Variants in DGUOK observed in about 807,000 individuals in gnomAD.
DGUOK encodes the protein deoxyguanosine kinase, mitochondrial.
A neutral mutation model predicts 36.6 loss-of-function variants in DGUOK; 30 were observed. The ratio of observed to expected loss-of-function variants is 0.82; its 90% confidence interval spans 0.61 to 1.11. The LOEUF (loss-of-function observed/expected upper bound fraction) is 1.11, where lower values mean the gene tolerates loss of function less well. Among genes scored for constraint, DGUOK ranks in the 50% most tolerant of loss-of-function variants. DGUOK has a pLI of 0.00. For missense variants in DGUOK, 361 were observed against 336.4 expected, an observed-to-expected ratio of 1.07 and a Z score of -0.57; for synonymous variants, 145 against 126.3, an observed-to-expected ratio of 1.15 and a Z score of -0.99.
intron 4 of DGUOK, among the ~76,000 whole-genome samples, chr2:73,953,269 A>ATGG (rs1682825362): frequency 2.4e-5 from 2 of 83,522 alleles, no homozygotes; most frequent in South Asian, 8.1e-4. Context: ...GGTGATGATG[A>ATGG]TGATGATGAT....
At chr2:73,937,119 ATCT>A (rs1405304099) in intron 1 of DGUOK, among the ~76,000 whole-genome samples, 1 of 152,234 alleles carries the variant, frequency 6.6e-6, no homozygotes, top group Non-Finnish European at 1.5e-5. Context: ...CAGGGATCAG[ATCT>A]TCTTGTGTCT....
At chr2:73,946,053 T>C (rs1378595362) in intron 2 of DGUOK, among the ~76,000 whole-genome samples, 1 of 40,976 alleles carries the variant, frequency 2.4e-5, no homozygotes, top group Non-Finnish European at 5.0e-5. Flanking sequence ...AGACTCTGTC[T>C]CAAAAAAAAA....
chr2:73,936,682 T>C lies in DGUOK; in HGVS notation c.143-2228T>C, dbSNP rs75885121. Among the ~76,000 whole-genome samples, 518 of 152,316 alleles carry C rather than the reference T, an allele frequency of 3.4e-3. 3 individuals are homozygous for C. Among genetic ancestry groups the C allele is most frequent in the African/African-American group, 0.012 (498 of 41,562 alleles). On this transcript the variant is annotated intron_variant, in intron 1 of 6. Transcript: ENST00000264093. The stretch of plus-strand genomic sequence containing the variant: ...TCCAGATACAGTCTTAAGATTTATT[T>C]TTTATTTTTCACAAATGTAGGTTTC...
intron 2 of DGUOK, among the ~76,000 whole-genome samples, chr2:73,944,008 AC>A (rs1294170107): frequency 6.6e-6 from 1 of 151,966 alleles, no homozygotes; most frequent in East Asian, 1.9e-4. Context: ...TCACTCTGTC[AC>A]CCAGGCTGGA....
intron 1 of DGUOK, among the ~76,000 whole-genome samples, chr2:73,934,409 A>G (rs1483883816): frequency 1.3e-5 from 2 of 152,164 alleles, no homozygotes; most frequent in Non-Finnish European, 2.9e-5. Context: ...GGAAGGTTTG[A>G]TGCTGCTTGT....
chr2:73,953,290 A>ATCGTCGTCGTCG (rs70965773), intron 4 of DGUOK, among the ~76,000 whole-genome samples: 2 of 140,710 alleles, frequency 1.4e-5, no homozygotes, highest in African/African-American at 2.6e-5. Flanking sequence ...CATCATCATC[A>ATCGTCGTCGTCG]TCGTCGTCGT....
intron 1 of DGUOK, among the ~76,000 whole-genome samples, chr2:73,928,670 G>A (rs2104853280): frequency 1.3e-5 from 2 of 152,310 alleles, no homozygotes; most frequent in African/African-American, 4.8e-5. Context: ...CCAAGGGGTG[G>A]CCAGATTTTA....
Position 73,926,916 on chromosome 2 carries a change from C to T in DGUOK, c.6C>T (p.Ala2=), listed in dbSNP as rs1680626720. Residue 2 remains alanine (A), a synonymous_variant, in exon 1 of 7, where the codon GCC becomes GCT. Coordinates refer to ENST00000264093, the MANE Select transcript of DGUOK (RefSeq NM_080916.3). The part of the protein sequence containing the change: M[A]AGRLFLSRLR... ...CTGTGTGAATCGTGGGTGGGATGGCCGCGGGCCGCCTCTTTCTAAGTCGGC... is the reference window on the plus strand; with the variant it reads ...CTGTGTGAATCGTGGGTGGGATGGCTGCGGGCCGCCTCTTTCTAAGTCGGC... 6 of 1,613,496 alleles carry T rather than the reference C, an allele frequency of 3.7e-6. No homozygotes were observed. The highest frequency in any genetic ancestry group is 2.2e-5 in the East Asian group (1 of 44,888).
At chr2:73,929,297 A>G (rs970710641) in intron 1 of DGUOK, among the ~76,000 whole-genome samples, 1 of 152,166 alleles carries the variant, frequency 6.6e-6, no homozygotes, top group Non-Finnish European at 1.5e-5. Context: ...TTTTGTAGAG[A>G]CAGGGTCTCA....
intron 1 of DGUOK, among the ~76,000 whole-genome samples, chr2:73,929,364 C>T (rs1490677873): frequency 6.6e-6 from 1 of 152,232 alleles, no homozygotes; most frequent in Non-Finnish European, 1.5e-5. Context: ...CCTGCCTTGG[C>T]TTCCCAAAGT....
chr2:73,934,440 A>G lies in DGUOK; in HGVS notation c.143-4470A>G, dbSNP rs1456464593. Among the ~76,000 whole-genome samples the G allele has an allele frequency of 3.3e-5, 5 of 152,292 alleles. No individual in the cohort carries two copies. The East Asian group carries it at 9.6e-4, about 29-fold the overall frequency. On this transcript the variant is annotated intron_variant, in intron 1 of 6. Coordinates refer to ENST00000264093, the MANE Select transcript of DGUOK (RefSeq NM_080916.3). ...CTTGTAAGTTCTGATACCTTCCAAA[A>G]TTCATAATACTGAGAGTATATTGAA...
Position 73,926,944 on chromosome 2 carries a change from C to A in DGUOK, c.34C>A (p.Arg12=). The A allele has an allele frequency of 6.2e-7, 1 of 1,613,450 alleles. No homozygotes were observed. The change falls in exon 1 of 7, where the codon CGA becomes AGA. Residue 12 remains arginine, a synonymous_variant. Coordinates refer to ENST00000264093, the MANE Select transcript of DGUOK (RefSeq NM_080916.3). Reference sequence around the variant, plus strand: ...GGGCCGCCTCTTTCTAAGTCGGCTTCGAGCACCCTTCAGTTCCATGGCCAA... The same window carrying A: ...GGGCCGCCTCTTTCTAAGTCGGCTTAGAGCACCCTTCAGTTCCATGGCCAA... ...AAGRLFLSRL[R]APFSSMAKSP...
intron 2 of DGUOK, among the ~76,000 whole-genome samples, chr2:73,941,092 T>C (rs1489634494): frequency 1.3e-5 from 2 of 152,232 alleles, no homozygotes; most frequent in Non-Finnish European, 2.9e-5. Flanking sequence ...TAAGAGACAC[T>C]GTAGCTTCCA....
At chr2:73,937,893 C>G (rs2104901774) in intron 1 of DGUOK, among the ~76,000 whole-genome samples, 1 of 152,352 alleles carries the variant, frequency 6.6e-6, no homozygotes, top group South Asian at 2.1e-4. Flanking sequence ...TATCTTTTAA[C>G]TAGTCTGCCT....
At chr2:73,946,193 T>C (rs1201245285) in intron 2 of DGUOK, among the ~76,000 whole-genome samples, 2 of 152,248 alleles carry the variant, frequency 1.3e-5, no homozygotes, top group Non-Finnish European at 2.9e-5. Flanking sequence ...ACAAACAAAT[T>C]GTACTCCTTA....
chr2:73,947,189 G>A, intron 3 of DGUOK: 1 of 442,250 alleles, frequency 2.3e-6, no homozygotes, highest in East Asian at 4.8e-5. Flanking sequence ...GGAGCAAGCT[G>A]GTAGCCACCT....
At chr2:73,930,621 C>T (rs1378585182) in intron 1 of DGUOK, among the ~76,000 whole-genome samples, 2 of 152,096 alleles carry the variant, frequency 1.3e-5, no homozygotes, top group African/African-American at 4.8e-5. Flanking sequence ...TGTCAAATTT[C>T]TCTGCTTCTT....
intron 2 of DGUOK, among the ~76,000 whole-genome samples, chr2:73,940,572 G>C (rs1328238218): frequency 6.6e-6 from 1 of 152,186 alleles, no homozygotes; most frequent in Non-Finnish European, 1.5e-5. Flanking sequence ...CTTTTTCTGA[G>C]TATGCCACAG....
Position 73,958,780 on chromosome 2 carries a change from T to G in DGUOK, c.*44T>G. On this transcript the variant is annotated 3_prime_UTR_variant, in exon 7 of 7. Coordinates refer to ENST00000264093, the MANE Select transcript of DGUOK (RefSeq NM_080916.3). ...GGCTGTGATCTGGGCTCCCTGACTT[T>G]CTGAAGCTAGAAAAATGTTGTGTCT... is the stretch of plus-strand genomic sequence containing the variant. 1 of 1,567,646 alleles carries G rather than the reference T, an allele frequency of 6.4e-7. No individual in the cohort carries two copies. Among genetic ancestry groups the G allele is most frequent in the East Asian group, 2.2e-5 (1 of 44,686 alleles).
Sources: gnomAD v4.1 joint callset for allele counts (sites outside exome capture counted in the v4.1 genomes callset) on GRCh38, gnomAD v4.1.1 for gene constraint, MANE v1.5 for transcripts, NCBI Gene and HGNC (gene_info 2026-07-23, HGNC 2026-07-21) for gene names.